The following SENP1 variants were observed in gnomAD, a reference collection of about 807,000 sequenced individuals.
The protein encoded by SENP1 is SUMO specific peptidase 1, also known as sentrin-specific protease 1.
Under a neutral mutation model 93.0 loss-of-function variants are expected in SENP1, and 21 were observed. The observed-to-expected ratio is 0.23, with a 90% CI of 0.16 to 0.33. The LOEUF (loss-of-function observed/expected upper bound fraction) is 0.33. Among genes scored for constraint, SENP1 ranks in the 10% least tolerant of loss-of-function variants. SENP1 has a pLI of 1.00. For missense variants in SENP1, 591 were observed against 758.7 expected, an observed-to-expected ratio of 0.78 and a Z score of 2.60; for synonymous variants, 256 against 259.6, an observed-to-expected ratio of 0.99 and a Z score of 0.13.
At chr12:48,080,848 C>T (rs1336230337) in intron 6 of SENP1, among the ~76,000 whole-genome samples, 4 of 152,102 alleles carry the variant, frequency 2.6e-5, no homozygotes, top group Non-Finnish European at 2.9e-5. Flanking sequence ...CAAAATTTCC[C>T]GCATCGCTCA....
Position 48,045,215 on chromosome 12 carries a change from G to A in SENP1, c.*107C>T. 1 of 850,452 alleles carries A rather than the reference G, an allele frequency of 1.2e-6. No homozygotes were observed. The highest frequency in any genetic ancestry group is 2.0e-5 in the Admixed American group (1 of 50,666). 52.7% of individuals were successfully genotyped at this position (850,452 alleles called of 1,614,324 possible). On this transcript the variant is annotated 3_prime_UTR_variant, in exon 18 of 18. Coordinates refer to ENST00000549518, the MANE Select transcript of SENP1 (RefSeq NM_001267594.2). ...GCCAGGGCCTGGTCCAGGATCAAGG[G>A]TGTTACAACAGCAGAGGGCTGGGAG...
chr12:48,063,673 GT>G (rs1428853841), intron 13 of SENP1, 36 bp downstream of exon 13: 1 of 1,589,988 alleles, frequency 6.3e-7, no homozygotes, highest in Admixed American at 1.7e-5. Flanking sequence ...GCCACTTAAT[GT>G]TTACTATTTG....
At chr12:48,073,499 C>T (rs1943859836) in intron 8 of SENP1, among the ~76,000 whole-genome samples, 1 of 151,818 alleles carries the variant, frequency 6.6e-6, no homozygotes, top group South Asian at 2.1e-4. Context: ...TGATGTTTAA[C>T]CATTTAACCT....
chr12:48,087,046 C>CA (rs1013435821), intron 5 of SENP1, among the ~76,000 whole-genome samples: 10 of 150,676 alleles, frequency 6.6e-5, no homozygotes, highest in African/African-American at 2.0e-4. Flanking sequence ...CTCAACAAAA[C>CA]AAAAAAACAA....
chr12:48,090,512 C>A lies in SENP1; in HGVS notation c.221-1552G>T, dbSNP rs938391731. Among the ~76,000 whole-genome samples, 3 of 152,292 alleles carry A rather than the reference C, an allele frequency of 2.0e-5. No individual in the cohort carries two copies. In the East Asian group the frequency reaches 5.8e-4, roughly 29 times the overall value. On this transcript the variant is annotated intron_variant, in intron 4 of 17. Transcript: ENST00000549518. Reference sequence around the variant, plus strand: ...TTAAACAGAAAAAGGTGGTTCCAATCCCAATGAAATTGCTGAATGGTGTTC... The same window carrying A: ...TTAAACAGAAAAAGGTGGTTCCAATACCAATGAAATTGCTGAATGGTGTTC...
chr12:48,049,202 G>A (rs1483840307), intron 13 of SENP1, 70 bp from the exon 14 acceptor site: 18 of 1,087,720 alleles, frequency 1.7e-5, no homozygotes, highest in Non-Finnish European at 2.5e-5. Flanking sequence ...TGCAGTTGCT[G>A]TGTTGAATAG....
chr12:48,046,386 A>G lies in SENP1; in HGVS notation c.1842T>C (p.Ile614=), dbSNP rs777111951. The G allele has an allele frequency of 5.0e-5, 81 of 1,613,158 alleles. No homozygotes were observed. The highest frequency in any genetic ancestry group is 1.6e-4 in the Middle Eastern group (1 of 6,080). Residue 614 remains isoleucine (I), a synonymous_variant, in exon 17 of 18, where the codon ATT becomes ATC. Transcript: ENST00000549518. ...TGAAGTTGATTGGTCTGTCTTTGGTAATACAGTCAGCATATTTGCAGGCAA... is the reference window on the plus strand; with the variant it reads ...TGAAGTTGATTGGTCTGTCTTTGGTGATACAGTCAGCATATTTGCAGGCAA... ...GMFACKYADC[I]TKDRPINFTQ...
chr12:48,076,880 C>T (rs527634507), intron 6 of SENP1, among the ~76,000 whole-genome samples: 4 of 151,020 alleles, frequency 2.6e-5, no homozygotes, highest in African/African-American at 7.3e-5. Flanking sequence ...CTCCTGACCT[C>T]GTGATCTGCC....
At chr12:48,078,352 TACACAC>T (rs200961396) in intron 6 of SENP1, among the ~76,000 whole-genome samples, 10 of 137,026 alleles carry the variant, frequency 7.3e-5, no homozygotes, top group East Asian at 4.6e-4. Flanking sequence ...CATATATATA[TACACAC>T]ACACACATAC....
intron 13 of SENP1, among the ~76,000 whole-genome samples, chr12:48,052,971 G>GT (rs1442841160): frequency 1.3e-5 from 2 of 152,138 alleles, no homozygotes; most frequent in African/African-American, 4.8e-5. Flanking sequence ...ATTTTGCCTA[G>GT]TTTTTTTCCT....
At chr12:48,050,656 C>G (rs1941727752) in intron 13 of SENP1, among the ~76,000 whole-genome samples, 1 of 152,186 alleles carries the variant, frequency 6.6e-6, no homozygotes. Flanking sequence ...AGTTTTCAGT[C>G]TAACTCTGCC....
chr12:48,045,075 G>T lies in SENP1; in HGVS notation c.*247C>A. 2.1e-6 allele frequency: 1 copy of T among 468,914 alleles called. No homozygotes were observed. 29.0% of individuals were successfully genotyped at this position (468,914 alleles called of 1,614,324 possible). On this transcript the variant is annotated 3_prime_UTR_variant, in exon 18 of 18. Transcript: ENST00000549518. ...GGCAGAACTGAAGAAGTGAAAAGCA[G>T]TCTCTCTCTTCAGCTTAGGGATGTC...
intron 9 of SENP1, among the ~76,000 whole-genome samples, chr12:48,069,444 G>A (rs545707692): frequency 6.6e-6 from 1 of 152,220 alleles, no homozygotes; most frequent in South Asian, 2.1e-4. Flanking sequence ...TTACCCAACA[G>A]ACCATTTCTC....
intron 13 of SENP1, among the ~76,000 whole-genome samples, chr12:48,054,057 C>T (rs1201741025): frequency 1.3e-5 from 2 of 152,154 alleles, no homozygotes; most frequent in Non-Finnish European, 2.9e-5. Flanking sequence ...GGAAATGCTC[C>T]AGTTATCCTG....
intron 6 of SENP1, among the ~76,000 whole-genome samples, chr12:48,080,785 G>A (rs1312403633): frequency 1.3e-5 from 2 of 152,192 alleles, no homozygotes; most frequent in South Asian, 2.1e-4. Flanking sequence ...AAGCCATATA[G>A]TAGTACAGGT....
chr12:48,101,360 T>A (rs1945923839), intron 2 of SENP1, 109 bp downstream of exon 2: 1 of 828,434 alleles, frequency 1.2e-6, no homozygotes, highest in Non-Finnish European at 1.9e-6. Flanking sequence ...CTTAAAATTA[T>A]TATTAAGCAC....
intron 9 of SENP1, 86 bp downstream of exon 9, chr12:48,071,581 A>G (rs535095598): frequency 1.9e-4 from 176 of 944,514 alleles, no homozygotes; most frequent in Non-Finnish European, 2.8e-4. Flanking sequence ...GCGCCACTAC[A>G]CTCCAGCCTG....
At chr12:48,073,331 C>A (rs1387555337) in intron 8 of SENP1, among the ~76,000 whole-genome samples, 1 of 148,324 alleles carries the variant, frequency 6.7e-6, no homozygotes. Context: ...CAAAATATAA[C>A]AAGAGTCTTC....
chr12:48,078,854 TTTG>T (rs202214361), intron 6 of SENP1, among the ~76,000 whole-genome samples: 2 of 152,348 alleles, frequency 1.3e-5, no homozygotes, highest in Non-Finnish European at 2.9e-5. Context: ...TTAAACTGTT[TTTG>T]TTGTTGTTGT....
Sources: gnomAD v4.1 joint callset for allele counts (sites outside exome capture counted in the v4.1 genomes callset) on GRCh38, gnomAD v4.1.1 for gene constraint, MANE v1.5 for transcripts, NCBI Gene and HGNC (gene_info 2026-07-23, HGNC 2026-07-21) for gene names.